Variants in FOXP1 observed in about 807,000 individuals in gnomAD.
The protein encoded by FOXP1 is forkhead box protein P1.
In FOXP1, 15 loss-of-function variants were observed where a neutral mutation model predicts 98.2. The ratio of observed to expected loss-of-function variants is 0.15; its 90% CI spans 0.10 to 0.24. FOXP1 has a LOEUF of 0.24. Among genes scored for constraint, FOXP1 ranks in the 10% least tolerant of loss-of-function variants. The pLI, the probability that FOXP1 is intolerant of heterozygous loss-of-function variation, is 1.00. For synonymous variants in FOXP1, 371 were observed against 314.5 expected, an observed-to-expected ratio of 1.18 and a Z score of -1.90; for missense variants, 633 against 848.5, an observed-to-expected ratio of 0.75 and a Z score of 3.15.
At position 71,193,755 on chromosome 3, in the gene FOXP1, TC is replaced by T. The variant is rs751214743; in HGVS notation, c.180+4446del. ...TGAGCCACCACAGACAGCCTCTACATCCCCTTTGAATGTACATAACTAGACT... is the reference window on the plus strand; with the variant it reads ...TGAGCCACCACAGACAGCCTCTACATCCCTTTGAATGTACATAACTAGACT... On this transcript the variant is annotated intron_variant, in intron 6 of 20. Coordinates refer to ENST00000649528, the MANE Select transcript of FOXP1 (RefSeq NM_001349338.3). 2.0e-5 allele frequency among the ~76,000 whole-genome samples: 3 copies of T among 152,166 alleles called. No individual in the cohort carries two copies. In the East Asian group the frequency reaches 5.8e-4, roughly 29 times the overall value.
intron 6 of FOXP1, among the ~76,000 whole-genome samples, chr3:71,170,841 T>C (rs1426879157): frequency 6.6e-6 from 1 of 152,212 alleles, no homozygotes; most frequent in Non-Finnish European, 1.5e-5. Context: ...CTTCCTTCCA[T>C]GGGGCCGTCT....
intron 2 of FOXP1, among the ~76,000 whole-genome samples, chr3:71,557,648 C>T (rs2046237774): frequency 6.6e-6 from 1 of 152,196 alleles, no homozygotes; most frequent in South Asian, 2.1e-4. Context: ...AGAAAGACTG[C>T]CAGTCCTGCC....
intron 3 of FOXP1, among the ~76,000 whole-genome samples, chr3:71,453,186 G>GTTCAGGT (rs1297900701): frequency 6.6e-6 from 1 of 152,024 alleles, no homozygotes; most frequent in African/African-American, 2.4e-5. Context: ...CAGTATCAGG[G>GTTCAGGT]TATGTCCCCA....
At chr3:71,515,857 T>A (rs1025366564) in intron 2 of FOXP1, among the ~76,000 whole-genome samples, 2 of 152,170 alleles carry the variant, frequency 1.3e-5, no homozygotes, top group Non-Finnish European at 2.9e-5. Flanking sequence ...AAAAACGTCA[T>A]CTTTTTAAGG....
At chr3:71,076,412 C>T (rs2053815649) in intron 7 of FOXP1, among the ~76,000 whole-genome samples, 1 of 152,138 alleles carries the variant, frequency 6.6e-6, no homozygotes, top group South Asian at 2.1e-4. Context: ...CTACCTTGGC[C>T]TCAGGGGGAA....
intron 4 of FOXP1, among the ~76,000 whole-genome samples, chr3:71,338,538 C>A (rs1051571694): frequency 3.9e-5 from 6 of 152,188 alleles, no homozygotes; most frequent in Non-Finnish European, 8.8e-5. Context: ...TGCCATTCTC[C>A]TGCCCCAGCC....
At chr3:71,511,263 A>G (rs956232798) in intron 2 of FOXP1, among the ~76,000 whole-genome samples, 4 of 152,182 alleles carry the variant, frequency 2.6e-5, no homozygotes, top group Non-Finnish European at 5.9e-5. Context: ...TGTGAAAATA[A>G]GCTTCAAATG....
At chr3:71,065,096 C>T (rs1447335211) in intron 7 of FOXP1, among the ~76,000 whole-genome samples, 1 of 149,548 alleles carries the variant, frequency 6.7e-6, no homozygotes, top group Non-Finnish European at 1.5e-5. Flanking sequence ...CCCGCGCGCC[C>T]CGGCCCCCTC....
At chr3:71,468,339 T>C (rs1003111732) in intron 3 of FOXP1, among the ~76,000 whole-genome samples, 7 of 152,148 alleles carry the variant, frequency 4.6e-5, no homozygotes, top group Non-Finnish European at 1.0e-4. Flanking sequence ...GTATGCCTGA[T>C]TGACGTGAAG....
chr3:71,051,976 C>T (rs1363447536), intron 9 of FOXP1, among the ~76,000 whole-genome samples: 1 of 152,208 alleles, frequency 6.6e-6, no homozygotes, highest in African/African-American at 2.4e-5. Context: ...CTGGAGTCTT[C>T]TCTAACTTCA....
chr3:70,980,220 C>A (rs1308668450), intron 14 of FOXP1, among the ~76,000 whole-genome samples: 25 of 152,124 alleles, frequency 1.6e-4, no homozygotes, highest in Admixed American at 1.6e-3. Context: ...TCTTCTTCAC[C>A]TCGGGCCTTA....
At chr3:71,209,209 A>G (rs975136035) in intron 5 of FOXP1, among the ~76,000 whole-genome samples, 1 of 152,240 alleles carries the variant, frequency 6.6e-6, no homozygotes, top group African/African-American at 2.4e-5. Context: ...TTGCAGATAA[A>G]AATAAAGCAT....
chr3:71,197,550 A>C (rs780705588), intron 6 of FOXP1, among the ~76,000 whole-genome samples: 1 of 152,222 alleles, frequency 6.6e-6, no homozygotes, highest in Non-Finnish European at 1.5e-5. Flanking sequence ...CAACTTATGT[A>C]CATTTTGGGG....
intron 3 of FOXP1, among the ~76,000 whole-genome samples, chr3:71,398,662 A>C (rs2081730727): frequency 2.0e-5 from 3 of 152,156 alleles, no homozygotes; most frequent in African/African-American, 7.2e-5. Flanking sequence ...TCTGTAGAAA[A>C]GCTTTTAACA....
intron 2 of FOXP1, among the ~76,000 whole-genome samples, chr3:71,513,503 TG>T (rs949698893): frequency 2.6e-5 from 4 of 152,186 alleles, no homozygotes; most frequent in African/African-American, 9.7e-5. Context: ...CAGGACTCCC[TG>T]CTCCTTCTCT....
At chr3:71,540,088 G>A (rs1020198813) in intron 2 of FOXP1, among the ~76,000 whole-genome samples, 1 of 152,220 alleles carries the variant, frequency 6.6e-6, no homozygotes, top group Non-Finnish European at 1.5e-5. Flanking sequence ...CAAGCCCTAG[G>A]TTGGTCTTAA....
At chr3:71,287,840 T>C (rs764719915) in intron 5 of FOXP1, among the ~76,000 whole-genome samples, 2 of 152,148 alleles carry the variant, frequency 1.3e-5, no homozygotes, top group Non-Finnish European at 2.9e-5. Flanking sequence ...TTGAACTGTT[T>C]AAATAAGGTT....
intron 2 of FOXP1, chr3:71,580,675 G>A: frequency 2.4e-6 from 1 of 414,920 alleles, no homozygotes; most frequent in Non-Finnish European, 3.2e-6. Context: ...GGAAAACGGG[G>A]GTGGGGGAAA....
chr3:71,279,855 G>A (rs1252082088), intron 5 of FOXP1, among the ~76,000 whole-genome samples: 1 of 152,058 alleles, frequency 6.6e-6, no homozygotes, highest in African/African-American at 2.4e-5. Context: ...CAGGCGCGGT[G>A]GCTCATACCT....
Sources: allele counts gnomAD v4.1 joint callset (sites outside exome capture counted in the v4.1 genomes callset), GRCh38; gene constraint gnomAD v4.1.1; transcripts MANE v1.5; gene names NCBI Gene and HGNC (gene_info 2026-07-23, HGNC 2026-07-21).